The following GSK3B variants were observed in gnomAD, a reference collection of about 807,000 sequenced individuals.
GSK3B encodes glycogen synthase kinase 3 beta.
GSK3B carries 15 observed loss-of-function variants against 56.4 expected under a neutral mutation model. The ratio of observed to expected loss-of-function variants is 0.27; its 90% CI spans 0.18 to 0.41. GSK3B has a LOEUF of 0.41. Ranked by LOEUF, GSK3B falls within the 10% of genes least tolerant of loss-of-function variation. The probability of loss-of-function intolerance (pLI) is 1.00; values close to 1 mark genes in which losing one functional copy is unlikely to be tolerated. For synonymous variants in GSK3B, 181 were observed against 188.9 expected, an observed-to-expected ratio of 0.96 and a Z score of 0.34; for missense variants, 300 against 513.4, an observed-to-expected ratio of 0.58 and a Z score of 4.02.
intron 7 of GSK3B, among the ~76,000 whole-genome samples, chr3:119,898,815 T>C (rs2056597525): frequency 6.6e-6 from 1 of 152,184 alleles, no homozygotes; most frequent in African/African-American, 2.4e-5. Flanking sequence ...TAAAGTTTAA[T>C]TTATAAATTA....
intron 2 of GSK3B, among the ~76,000 whole-genome samples, chr3:119,949,757 C>T (rs1428229603): frequency 7.2e-6 from 1 of 139,224 alleles, no homozygotes; most frequent in Admixed American, 7.7e-5. Context: ...GCTGTGATCA[C>T]GCCACAGCAC....
chr3:119,937,940 T>C (rs886931718), intron 3 of GSK3B, among the ~76,000 whole-genome samples: 1 of 150,624 alleles, frequency 6.6e-6, no homozygotes, highest in Non-Finnish European at 1.5e-5. Context: ...AGTGGGGCCA[T>C]TACTACTAAC....
intron 2 of GSK3B, among the ~76,000 whole-genome samples, chr3:119,998,319 C>T (rs1159155787): frequency 6.6e-6 from 1 of 152,184 alleles, no homozygotes; most frequent in African/African-American, 2.4e-5. Context: ...ACTGGTAAGA[C>T]CTCAGAAAGC....
chr3:120,064,455 T>C lies in GSK3B; in HGVS notation c.88+28892A>G, dbSNP rs1368011126. Among the ~76,000 whole-genome samples the C allele has an allele frequency of 3.3e-5, 5 of 151,964 alleles. No homozygotes were observed. The East Asian group carries it at 7.7e-4, about 23-fold the overall frequency. On this transcript the variant is annotated intron_variant, in intron 1 of 10. Coordinates refer to ENST00000264235, the MANE Select transcript of GSK3B (RefSeq NM_001146156.2). Reference sequence around the variant, plus strand: ...AAAATAAAAAAAACTAGGAATAAACTTAACTGAAGATTTACAAAACTTGAA... The same window carrying C: ...AAAATAAAAAAAACTAGGAATAAACCTAACTGAAGATTTACAAAACTTGAA...
chr3:119,935,341 A>C (rs1349380460), intron 3 of GSK3B, among the ~76,000 whole-genome samples: 1 of 152,162 alleles, frequency 6.6e-6, no homozygotes, highest in Non-Finnish European at 1.5e-5. Flanking sequence ...AAGAGAGAGG[A>C]AAAGAGGGGA....
chr3:120,069,457 T>C (rs1412755788), intron 1 of GSK3B, among the ~76,000 whole-genome samples: 1 of 152,172 alleles, frequency 6.6e-6, no homozygotes, highest in East Asian at 1.9e-4. Context: ...TATTCAAATT[T>C]TTGAAGAGTA....
intron 2 of GSK3B, among the ~76,000 whole-genome samples, chr3:119,981,051 T>C (rs2057456057): frequency 1.3e-5 from 2 of 152,324 alleles, no homozygotes; most frequent in South Asian, 4.1e-4. Context: ...CTGTAACTCT[T>C]AGCTGGACAA....
At chr3:119,981,200 AG>A (rs919427903) in intron 2 of GSK3B, among the ~76,000 whole-genome samples, 3 of 152,238 alleles carry the variant, frequency 2.0e-5, no homozygotes, top group Non-Finnish European at 4.4e-5. Flanking sequence ...TTTCAACAAA[AG>A]TAAAGTTTAC....
chr3:119,897,808 A>G (rs1273082324), intron 7 of GSK3B, among the ~76,000 whole-genome samples: 3 of 150,914 alleles, frequency 2.0e-5, no homozygotes, highest in Admixed American at 6.6e-5. Context: ...AAAAAAAAAA[A>G]AAAGAAAAAG....
At chr3:119,929,344 C>A (rs1313061662) in intron 3 of GSK3B, among the ~76,000 whole-genome samples, 1 of 152,138 alleles carries the variant, frequency 6.6e-6, no homozygotes, top group Non-Finnish European at 1.5e-5. Flanking sequence ...TACTCAATCA[C>A]AAAGTTTCTT....
chr3:119,905,683 A>G, intron 7 of GSK3B, 72 bp downstream of exon 7: 1 of 871,060 alleles, frequency 1.1e-6, no homozygotes, highest in African/African-American at 1.6e-5. Context: ...GTATGTGTAC[A>G]TGTGTGATAT....
At chr3:120,004,546 C>T (rs1379769299) in intron 1 of GSK3B, among the ~76,000 whole-genome samples, 2 of 152,134 alleles carry the variant, frequency 1.3e-5, no homozygotes, top group Non-Finnish European at 2.9e-5. Context: ...CAGGTGGGTG[C>T]CCCTCTGGGA....
chr3:119,863,354 T>C (rs923423976), intron 9 of GSK3B, 65 bp downstream of exon 9: 10 of 1,257,140 alleles, frequency 8.0e-6, no homozygotes, highest in Middle Eastern at 2.3e-4. Flanking sequence ...ATTAATAGAA[T>C]GTCATTTCAC....
At chr3:119,921,659 A>C (rs538312582) in intron 4 of GSK3B, among the ~76,000 whole-genome samples, 1 of 152,316 alleles carries the variant, frequency 6.6e-6, no homozygotes, top group Admixed American at 6.5e-5. Flanking sequence ...GAACCTATGG[A>C]TTAAAAGAAA....
At chr3:119,969,627 T>C (rs1369896038) in intron 2 of GSK3B, among the ~76,000 whole-genome samples, 6 of 152,212 alleles carry the variant, frequency 3.9e-5, no homozygotes, top group African/African-American at 1.4e-4. Flanking sequence ...AGCATGGTAC[T>C]GGTGAAAGAA....
intron 6 of GSK3B, among the ~76,000 whole-genome samples, chr3:119,910,721 A>G (rs1408569462): frequency 1.3e-5 from 2 of 152,192 alleles, no homozygotes; most frequent in Non-Finnish European, 2.9e-5. Context: ...CCCACATTAG[A>G]ACCACTTTCA....
chr3:119,921,421 A>G (rs548812100), intron 4 of GSK3B, among the ~76,000 whole-genome samples: 41 of 152,348 alleles, frequency 2.7e-4, no homozygotes, highest in African/African-American at 9.6e-4. Flanking sequence ...GAAAAGAAAG[A>G]CATTATGTTC....
chr3:120,048,285 A>C (rs2058119893), intron 1 of GSK3B, among the ~76,000 whole-genome samples: 1 of 152,186 alleles, frequency 6.6e-6, no homozygotes, highest in African/African-American at 2.4e-5. Flanking sequence ...CCTACCTTTA[A>C]CCATTTAGTA....
intron 2 of GSK3B, among the ~76,000 whole-genome samples, chr3:119,983,532 A>G (rs1445758055): frequency 2.2e-5 from 3 of 139,140 alleles, no homozygotes; most frequent in Non-Finnish European, 3.1e-5. Context: ...AAATGGAGAG[A>G]AAAAAAAAAA....
Sources: allele counts gnomAD v4.1 joint callset (sites outside exome capture counted in the v4.1 genomes callset), GRCh38; gene constraint gnomAD v4.1.1; transcripts MANE v1.5; gene names NCBI Gene and HGNC (gene_info 2026-07-23, HGNC 2026-07-21).